KCTD1: variants seen among roughly 807,000 people sequenced by gnomAD.
KCTD1 encodes BTB/POZ domain-containing protein KCTD1.
A neutral mutation model predicts 66.0 loss-of-function variants in KCTD1; 24 were observed. The ratio of observed to expected loss-of-function variants is 0.36; its 90% confidence interval spans 0.26 to 0.51. The LOEUF is 0.51. Among genes scored for constraint, KCTD1 ranks in the 20% least tolerant of loss-of-function variants. The probability of loss-of-function intolerance (pLI) is 0.95; values close to 1 mark genes in which losing one functional copy is unlikely to be tolerated. For synonymous variants in KCTD1, 511 were observed against 517.2 expected (o/e 0.99, Z 0.16); for missense variants, 943 against 1,205.2 (o/e 0.78, Z 3.22).
intron 1 of KCTD1, among the ~76,000 whole-genome samples, chr18:26,616,510 TACAC>T (rs1369841587): frequency 6.6e-6 from 1 of 151,182 alleles, no homozygotes; most frequent in African/African-American, 2.4e-5. Flanking sequence ...CATACATACA[TACAC>T]ACACACACTC....
chr18:26,504,907 G>A (rs1267845340), intron 1 of KCTD1, among the ~76,000 whole-genome samples: 1 of 152,194 alleles, frequency 6.6e-6, no homozygotes, highest in Non-Finnish European at 1.5e-5. Context: ...GCTACCTGCA[G>A]CTGCCATCTC....
intron 1 of KCTD1, among the ~76,000 whole-genome samples, chr18:26,621,094 A>G (rs1987373650): frequency 6.6e-6 from 1 of 152,172 alleles, no homozygotes; most frequent in Admixed American, 6.5e-5. Flanking sequence ...CCGCCTCCCA[A>G]AGTGCCGGGA....
At chr18:26,550,785 T>C (rs1358106442), upstream of KCTD1, among the ~76,000 whole-genome samples, 3 of 152,222 alleles carry the variant, frequency 2.0e-5, no homozygotes, top group Admixed American at 2.0e-4. This position sits in a 1 kb window ranked among gnomAD's most constrained non-coding sequence, Gnocchi z 5.4. Flanking sequence ...AGTTGCACAC[T>C]GGGACCCCCA....
rs571510684 is a variant in KCTD1, at chr18:26,655,865, C to A, written c.9+1495G>T. ...GGATTCCTGCACCCAGGTCTGCTTT[C>A]CTCTTCCTGGATGTTTTGGGGCTCG... On this transcript the variant is annotated intron_variant, in intron 1 of 4. Transcript: ENST00000580191. The A allele has an allele frequency of 4.6e-5, 7 of 152,380 alleles. 1 individual carries two copies. The highest frequency in any genetic ancestry group is 1.7e-4 in the African/African-American group (7 of 41,568). 9.4% of individuals were successfully genotyped at this position (152,380 alleles called of 1,614,324 possible). A position where few individuals can be genotyped will look rare whatever the true frequency, so the allele number is the denominator to read the frequency against.
chr18:26,656,947 A>AGGCTGGCGCGCGGAGC (rs1195038145), intron 1 of KCTD1, among the ~76,000 whole-genome samples: 2 of 145,722 alleles, frequency 1.4e-5, no homozygotes, highest in Non-Finnish European at 3.0e-5. Flanking sequence ...GGCCGCGGGG[A>AGGCTGGCGCGCGGAGC]GGCTGGCGCG....
chr18:26,489,722 C>G (rs543890885), intron 2 of KCTD1, among the ~76,000 whole-genome samples: 1 of 152,172 alleles, frequency 6.6e-6, no homozygotes, highest in African/African-American at 2.4e-5. Flanking sequence ...GCCTAGCATA[C>G]GCATAGCATA....
intron 1 of KCTD1, among the ~76,000 whole-genome samples, chr18:26,580,377 G>A (rs1986324126): frequency 6.6e-6 from 1 of 152,042 alleles, no homozygotes; most frequent in Admixed American, 6.6e-5. Flanking sequence ...GGTGATATAG[G>A]AGCTCAGTGT....
upstream of KCTD1, among the ~76,000 whole-genome samples, chr18:26,630,187 A>G (rs2145039971): frequency 6.6e-6 from 1 of 152,368 alleles, no homozygotes; most frequent in South Asian, 2.1e-4. Context: ...TACAGGCAAC[A>G]GCAGCACACT....
intron 1 of KCTD1, among the ~76,000 whole-genome samples, chr18:26,558,301 A>T (rs1486238487): frequency 6.6e-6 from 1 of 152,250 alleles, no homozygotes; most frequent in Non-Finnish European, 1.5e-5. Flanking sequence ...AAGACAGGCA[A>T]TAACAAATGC....
At chr18:26,598,497 C>CAT (rs1555645999) in intron 1 of KCTD1, among the ~76,000 whole-genome samples, 4 of 151,408 alleles carry the variant, frequency 2.6e-5, no homozygotes, top group South Asian at 2.1e-4. Context: ...CACACACACA[C>CAT]GTTTTTGATT....
chr18:26,536,747 CAATA>C (rs996701925), intron 1 of KCTD1, among the ~76,000 whole-genome samples: 1 of 152,154 alleles, frequency 6.6e-6, no homozygotes, highest in Non-Finnish European at 1.5e-5. Context: ...CGTAAGTGCT[CAATA>C]AATGCTTTCA....
chr18:26,583,509 A>G (rs1986407055), intron 1 of KCTD1, among the ~76,000 whole-genome samples: 1 of 152,134 alleles, frequency 6.6e-6, no homozygotes, highest in Non-Finnish European at 1.5e-5. Context: ...AAAACTACCA[A>G]ATCATCTAAC....
chr18:26,472,935 A>G (rs1355397945), intron 3 of KCTD1, among the ~76,000 whole-genome samples: 2 of 152,170 alleles, frequency 1.3e-5, no homozygotes, highest in African/African-American at 4.8e-5. Context: ...TCTAAACCCA[A>G]TCAGTCCCCT....
At chr18:26,615,928 T>A (rs1487031767) in intron 1 of KCTD1, among the ~76,000 whole-genome samples, 1 of 152,030 alleles carries the variant, frequency 6.6e-6, no homozygotes, top group Non-Finnish European at 1.5e-5. Context: ...GTAGCTGGGA[T>A]TACAGGTGTC....
intron 3 of KCTD1, among the ~76,000 whole-genome samples, chr18:26,471,980 G>A (rs978784037): frequency 2.0e-5 from 3 of 152,148 alleles, no homozygotes; most frequent in African/African-American, 7.2e-5. Flanking sequence ...TGACGGATGC[G>A]CTGACAGATC....
chr18:26,649,549 C>T (rs946007933), intron 1 of KCTD1, among the ~76,000 whole-genome samples: 1 of 152,150 alleles, frequency 6.6e-6, no homozygotes, highest in Non-Finnish European at 1.5e-5. Flanking sequence ...TGCTCTGTCG[C>T]CCAGGCTGGA....
At chr18:26,570,912 T>A in intron 1 of KCTD1, among the ~76,000 whole-genome samples, 1 of 152,254 alleles carries the variant, frequency 6.6e-6, no homozygotes, top group South Asian at 2.1e-4. Flanking sequence ...GTTGTCTAAA[T>A]CATATGCCGA....
intron 3 of KCTD1, among the ~76,000 whole-genome samples, chr18:26,471,196 C>T (rs1981041872): frequency 6.6e-6 from 1 of 152,066 alleles, no homozygotes; most frequent in Admixed American, 6.5e-5. Flanking sequence ...AGATACATGA[C>T]CCTAGTCTTT....
chr18:26,493,532 G>T (rs540853610), intron 2 of KCTD1, among the ~76,000 whole-genome samples: 4 of 152,168 alleles, frequency 2.6e-5, no homozygotes, highest in African/African-American at 9.6e-5. Flanking sequence ...TAGATCTCAC[G>T]CTTCCATCTA....
Sources: allele counts gnomAD v4.1 joint callset (sites outside exome capture counted in the v4.1 genomes callset), GRCh38; gene constraint gnomAD v4.1.1; non-coding constraint Gnocchi (gnomAD v3.1); transcripts MANE v1.5; gene names NCBI Gene and HGNC (gene_info 2026-07-23, HGNC 2026-07-21).